Variants in EBF2 observed in about 807,000 individuals in gnomAD.
The protein encoded by EBF2 is transcription factor COE2.
In EBF2, 21 loss-of-function variants were observed where a neutral mutation model predicts 72.8. The observed-to-expected ratio is 0.29, with a 90% CI of 0.20 to 0.42. The LOEUF is 0.42. Among genes scored for constraint, EBF2 ranks in the 10% least tolerant of loss-of-function variants. The pLI is 1.00. For synonymous variants in EBF2, 299 were observed against 274.2 expected (o/e 1.09, Z -0.89); for missense variants, 637 against 731.2 (o/e 0.87, Z 1.49).
intron 7 of EBF2, among the ~76,000 whole-genome samples, chr8:25,906,899 C>T (rs2117311634): frequency 6.6e-6 from 1 of 152,096 alleles, no homozygotes; most frequent in East Asian, 1.9e-4. Context: ...ATGTTCCTGT[C>T]ACAGCAAGAT....
In EBF2 at chr8:26,005,561, T is replaced by TATAGAG. The variant is rs375386709; in HGVS notation, c.551+27523_551+27524insCTCTAT. ...TATATTTTATATATATATATATATATAGAGAGAGAGAGAGAGAGGTATTTT... is the reference window on the plus strand; with the variant it reads ...TATATTTTATATATATATATATATATATAGAGAGAGAGAGAGAGAGAGAGGTATTTT... On this transcript the variant is annotated intron_variant, in intron 6 of 15. Coordinates refer to ENST00000520164, the MANE Select transcript of EBF2 (RefSeq NM_022659.4). 1.2e-3 allele frequency among the ~76,000 whole-genome samples: 75 copies of TATAGAG among 63,850 alleles called. 2 individuals are homozygous for TATAGAG. The highest frequency in any genetic ancestry group is 5.9e-3 in the East Asian group (14 of 2,358). 41.9% of individuals were successfully genotyped at this position (63,850 alleles called of 152,430 possible). A position where few individuals can be genotyped will look rare whatever the true frequency, so the allele number is the denominator to read the frequency against.
At chr8:26,032,021 A>G (rs1433865847) in intron 6 of EBF2, 2 of 152,200 alleles carry the variant, frequency 1.3e-5, no homozygotes, top group South Asian at 4.1e-4. Context: ...CATCCTCTTC[A>G]AGCATCTCAG....
intron 6 of EBF2, among the ~76,000 whole-genome samples, chr8:25,955,838 G>A (rs1803935299): frequency 6.6e-6 from 1 of 152,064 alleles, no homozygotes; most frequent in Non-Finnish European, 1.5e-5. Context: ...TTAATATTTT[G>A]GATGAGACTA....
At chr8:26,039,329 C>T (rs1805561258) in intron 5 of EBF2, among the ~76,000 whole-genome samples, 1 of 152,094 alleles carries the variant, frequency 6.6e-6, no homozygotes, top group Non-Finnish European at 1.5e-5. Context: ...TGCAGGAACG[C>T]CAGTAGACTG....
At position 25,842,755 on chromosome 8, in the gene EBF2, A is replaced by G. The variant is rs868098683; in HGVS notation, c.*1854T>C. ...GGTAATTCCAGAATGGGTTAAAGGC[A>G]AATAAGACAGTTGGGGCTGGATAGA... is the stretch of plus-strand genomic sequence containing the variant. On this transcript the variant is annotated 3_prime_UTR_variant, in exon 16 of 16. Transcript: ENST00000520164. 6 of 152,220 alleles carry G rather than the reference A, an allele frequency of 3.9e-5. No homozygotes were observed. The highest frequency in any genetic ancestry group is 7.3e-5 in the Non-Finnish European group (5 of 68,038). 9.4% of individuals were successfully genotyped at this position (152,220 alleles called of 1,614,324 possible).
At chr8:25,935,351 A>G (rs1008217916) in intron 6 of EBF2, among the ~76,000 whole-genome samples, 1 of 152,162 alleles carries the variant, frequency 6.6e-6, no homozygotes, top group South Asian at 2.1e-4. Flanking sequence ...CCTTTACAAC[A>G]TGGGGTTCCC....
chr8:25,900,283 CTG>C (rs1436595545), intron 7 of EBF2, among the ~76,000 whole-genome samples: 1 of 152,122 alleles, frequency 6.6e-6, no homozygotes. Context: ...TAGCAAAACC[CTG>C]TCTCTACAAA....
chr8:26,018,677 AAAG>A (rs1805154036), intron 6 of EBF2, among the ~76,000 whole-genome samples: 1 of 151,876 alleles, frequency 6.6e-6, no homozygotes, highest in Admixed American at 6.6e-5. Context: ...TCTCAAAAAA[AAAG>A]AAGTGAGAGA....
intron 6 of EBF2, among the ~76,000 whole-genome samples, chr8:25,942,190 C>T (rs757327579): frequency 1.3e-5 from 2 of 152,210 alleles, no homozygotes; most frequent in Non-Finnish European, 2.9e-5. Flanking sequence ...TTCTCACATG[C>T]CTTCCCATTG....
intron 6 of EBF2, among the ~76,000 whole-genome samples, chr8:25,997,160 C>T (rs1804646942): frequency 6.6e-6 from 1 of 152,120 alleles, no homozygotes; most frequent in Non-Finnish European, 1.5e-5. Context: ...TCCCTACCGC[C>T]CACTCTGTGC....
chr8:25,981,104 C>G (rs28687520), intron 6 of EBF2, among the ~76,000 whole-genome samples: 14 of 152,286 alleles, frequency 9.2e-5, no homozygotes, highest in African/African-American at 3.1e-4. Context: ...GCTCTGCCCC[C>G]GAAGCCTCCT....
intron 14 of EBF2, 149 bp downstream of exon 14, chr8:25,858,170 G>T: frequency 9.9e-7 from 1 of 1,008,646 alleles, no homozygotes; most frequent in Non-Finnish European, 1.5e-6. Flanking sequence ...GGAAAAGAAC[G>T]AAAGGCAGGA....
Position 26,010,894 on chromosome 8 carries a change from T to G in EBF2, c.551+22191A>C, listed in dbSNP as rs149035363. Reference sequence around the variant, plus strand: ...ATATTGACAAATATGGGCACCGATGTGTAGCTATTTACCTGCCTGCACTAG... The same window carrying G: ...ATATTGACAAATATGGGCACCGATGGGTAGCTATTTACCTGCCTGCACTAG... On this transcript the variant is annotated intron_variant, in intron 6 of 15. Coordinates refer to ENST00000520164, the MANE Select transcript of EBF2 (RefSeq NM_022659.4). Among the ~76,000 whole-genome samples, 141 of 152,284 alleles carry G rather than the reference T, an allele frequency of 9.3e-4. 2 individuals carry two copies. The highest frequency in any genetic ancestry group is 3.3e-3 in the African/African-American group (137 of 41,552).
intron 6 of EBF2, among the ~76,000 whole-genome samples, chr8:25,939,697 A>G (rs1377536841): frequency 6.6e-6 from 1 of 152,156 alleles, no homozygotes; most frequent in Non-Finnish European, 1.5e-5. Flanking sequence ...CCTCTATGTG[A>G]CCAGGGACAA....
intron 14 of EBF2, among the ~76,000 whole-genome samples, chr8:25,852,048 T>A (rs749357962): frequency 6.6e-6 from 1 of 152,202 alleles, no homozygotes; most frequent in Non-Finnish European, 1.5e-5. Flanking sequence ...AAAAACATCT[T>A]ATCCTTAAAG....
chr8:25,899,708 G>A (rs571121376), intron 7 of EBF2, among the ~76,000 whole-genome samples: 7 of 152,264 alleles, frequency 4.6e-5, no homozygotes, highest in African/African-American at 1.7e-4. Context: ...TTGCTCTCAC[G>A]TCGTTTAGTA....
chr8:25,938,683 A>T (rs1803619965), intron 6 of EBF2, among the ~76,000 whole-genome samples: 1 of 152,140 alleles, frequency 6.6e-6, no homozygotes, highest in Non-Finnish European at 1.5e-5. Context: ...GAAGGAAGTC[A>T]AATACTCTGC....
At chr8:25,919,745 C>T (rs559416117) in intron 6 of EBF2, among the ~76,000 whole-genome samples, 1 of 152,326 alleles carries the variant, frequency 6.6e-6, no homozygotes. Context: ...GCCAGGGGTA[C>T]TGTTTCTGCT....
In EBF2 at chr8:25,861,178, C is replaced by T. The variant is rs369134736; in HGVS notation, c.1213G>A (p.Val405Ile). 113 of 1,613,790 alleles carry T rather than the reference C, an allele frequency of 7.0e-5. No individual in the cohort carries two copies. Among genetic ancestry groups the T allele is most frequent in the Non-Finnish European group, 8.9e-5 (105 of 1,179,936 alleles). ...GGAAGCTGGCTGGGATTCCTGGGGA[C>T]GCTGTAGAGAGCTTCAGCAATGTCT... ...AADIAEALYS[V>I]PRNPSQLPAL... Residue 405 changes from valine to isoleucine, a missense_variant, in exon 13 of 16, where the codon GTC becomes ATC. This residue lies in a region of EBF2 where 259 missense variants were observed against 268.1 expected (regional missense o/e 0.97). Transcript: ENST00000520164.
Sources: allele counts gnomAD v4.1 joint callset (sites outside exome capture counted in the v4.1 genomes callset), GRCh38; gene constraint gnomAD v4.1.1; regional missense constraint gnomAD v4.1.1; transcripts MANE v1.5; gene names NCBI Gene and HGNC (gene_info 2026-07-23, HGNC 2026-07-21).